The following PPP2R5E variants were observed in gnomAD, a reference collection of about 807,000 sequenced individuals.
The protein encoded by PPP2R5E is protein phosphatase 2 regulatory subunit B'epsilon.
A neutral mutation model predicts 65.3 loss-of-function variants in PPP2R5E; 4 were observed. The ratio of observed to expected loss-of-function variants is 0.06; its 90% CI spans 0.03 to 0.14. The LOEUF is 0.14. Ranked by LOEUF, PPP2R5E falls within the 10% of genes least tolerant of loss-of-function variation. The pLI is 1.00. For synonymous variants in PPP2R5E, 183 were observed against 187.4 expected, an observed-to-expected ratio of 0.98 and a Z score of 0.19; for missense variants, 274 against 556.1, an observed-to-expected ratio of 0.49 and a Z score of 5.10.
chr14:63,450,165 C>A (rs992843373), intron 3 of PPP2R5E, among the ~76,000 whole-genome samples: 2 of 152,136 alleles, frequency 1.3e-5, no homozygotes, highest in Admixed American at 1.3e-4. Context: ...CGTGAGCCAC[C>A]GCGCCCAGCG....
chr14:63,419,404 A>G (rs370311960), intron 4 of PPP2R5E, among the ~76,000 whole-genome samples: 15 of 152,356 alleles, frequency 9.8e-5, no homozygotes, highest in African/African-American at 3.6e-4. Context: ...AGAAAAATAG[A>G]CAGTTGGATC....
intron 2 of PPP2R5E, among the ~76,000 whole-genome samples, chr14:63,524,768 C>A (rs561877608): frequency 3.3e-5 from 5 of 152,194 alleles, no homozygotes; most frequent in African/African-American, 1.2e-4. Flanking sequence ...CCAGAGCCCA[C>A]GGCCTGCCAC....
intron 2 of PPP2R5E, among the ~76,000 whole-genome samples, chr14:63,473,288 G>A (rs902545570): frequency 2.0e-5 from 3 of 152,172 alleles, no homozygotes; most frequent in Non-Finnish European, 4.4e-5. Flanking sequence ...TAAATTAAAC[G>A]GTAGAGATTC....
Position 63,375,328 on chromosome 14 carries a change from T to C in PPP2R5E, c.*681A>G, listed in dbSNP as rs1222413510. ...ACTGATGCATGAATCCGATATTCCC[T>C]TCCCTACTATGTTTATCACCTCTTC... On this transcript the variant is annotated 3_prime_UTR_variant, in exon 14 of 14. Coordinates refer to ENST00000337537, the MANE Select transcript of PPP2R5E (RefSeq NM_006246.5). 1 of 152,592 alleles carries C rather than the reference T, an allele frequency of 6.6e-6. No homozygotes were observed. The highest frequency in any genetic ancestry group is 1.5e-5 in the Non-Finnish European group (1 of 68,002). 9.5% of individuals were successfully genotyped at this position (152,592 alleles called of 1,614,324 possible).
At chr14:63,478,986 A>G (rs1354906042) in intron 2 of PPP2R5E, among the ~76,000 whole-genome samples, 2 of 151,986 alleles carry the variant, frequency 1.3e-5, no homozygotes, top group Non-Finnish European at 2.9e-5. Context: ...AAAATTAGCC[A>G]GGTATGGTGG....
chr14:63,497,683 G>A (rs1463086265), intron 2 of PPP2R5E, among the ~76,000 whole-genome samples: 1 of 152,100 alleles, frequency 6.6e-6, no homozygotes, highest in Non-Finnish European at 1.5e-5. Context: ...GGGAGGCAGA[G>A]GTTGCAGTGA....
intron 2 of PPP2R5E, among the ~76,000 whole-genome samples, chr14:63,496,227 G>T (rs1891560668): frequency 6.6e-6 from 1 of 151,826 alleles, no homozygotes; most frequent in Non-Finnish European, 1.5e-5. Context: ...ACTTGGCCAG[G>T]CACAGTGGCT....
Position 63,502,492 on chromosome 14 carries a change from C to A in PPP2R5E, c.157+37037G>T, listed in dbSNP as rs977400831. 3.9e-5 allele frequency among the ~76,000 whole-genome samples: 6 copies of A among 151,950 alleles called. No homozygotes were observed. In the South Asian group the frequency reaches 1.0e-3, roughly 26 times the overall value. On this transcript the variant is annotated intron_variant, in intron 2 of 13. Coordinates refer to ENST00000337537, the MANE Select transcript of PPP2R5E (RefSeq NM_006246.5). ...GGAGTTCGACACCAGCCTGGTGAAA[C>A]CCCATCTCTATTAAAAATACAAAAA...
intron 2 of PPP2R5E, among the ~76,000 whole-genome samples, chr14:63,484,377 A>T (rs565599993): frequency 6.6e-6 from 1 of 151,926 alleles, no homozygotes; most frequent in African/African-American, 2.4e-5. Flanking sequence ...ACACACACAC[A>T]CACACACACA....
chr14:63,516,526 C>T (rs907453583), intron 2 of PPP2R5E, among the ~76,000 whole-genome samples: 3 of 152,218 alleles, frequency 2.0e-5, no homozygotes, highest in Non-Finnish European at 4.4e-5. Context: ...CTCCTAGCAA[C>T]TTCTTTGGAT....
intron 2 of PPP2R5E, among the ~76,000 whole-genome samples, chr14:63,523,120 TC>T (rs1186284975): frequency 6.9e-6 from 1 of 144,958 alleles, no homozygotes; most frequent in African/African-American, 2.7e-5. Flanking sequence ...AGCAGCCCCT[TC>T]CGGGAAGTGG....
intron 2 of PPP2R5E, among the ~76,000 whole-genome samples, chr14:63,481,414 T>C (rs1459379278): frequency 6.7e-6 from 1 of 149,640 alleles, no homozygotes; most frequent in Non-Finnish European, 1.5e-5. Context: ...GGGAATTGCT[T>C]GAATCCAGGG....
chr14:63,443,803 A>C (rs1180107957), intron 3 of PPP2R5E, among the ~76,000 whole-genome samples: 1 of 152,114 alleles, frequency 6.6e-6, no homozygotes, highest in African/African-American at 2.4e-5. Flanking sequence ...AAGCTATCCG[A>C]GACTCCTTCC....
In PPP2R5E at chr14:63,488,524, T is replaced by C. The variant is rs113558937; in HGVS notation, c.158-34639A>G. 1.2e-4 allele frequency among the ~76,000 whole-genome samples: 18 copies of C among 151,996 alleles called. No homozygotes were observed. The East Asian group carries it at 3.5e-3, about 29-fold the overall frequency. ...AGCCGTGTGAATGATTTTAAGAGAA[T>C]CCCCTAGACTCTATAATTCCTTCTA... is the stretch of plus-strand genomic sequence containing the variant. On this transcript the variant is annotated intron_variant, in intron 2 of 13. Transcript: ENST00000337537.
At chr14:63,405,219 C>T (rs1885994379) in intron 5 of PPP2R5E, among the ~76,000 whole-genome samples, 1 of 152,198 alleles carries the variant, frequency 6.6e-6, no homozygotes, top group Non-Finnish European at 1.5e-5. Flanking sequence ...GAAATAAATG[C>T]TCCCAACACT....
chr14:63,380,363 G>GA (rs1161785435), intron 13 of PPP2R5E, among the ~76,000 whole-genome samples: 1 of 151,800 alleles, frequency 6.6e-6, no homozygotes, highest in African/African-American at 2.4e-5. Context: ...CTAATATACT[G>GA]AATTAAAAGT....
At chr14:63,514,464 GTTT>G (rs1260446184) in intron 2 of PPP2R5E, among the ~76,000 whole-genome samples, 2 of 68,810 alleles carry the variant, frequency 2.9e-5, no homozygotes, top group Non-Finnish European at 5.1e-5. Flanking sequence ...TTAAAACTAT[GTTT>G]ATTATACTAC....
chr14:63,519,414 G>C (rs111475190), intron 2 of PPP2R5E, among the ~76,000 whole-genome samples: 2 of 149,346 alleles, frequency 1.3e-5, no homozygotes, highest in East Asian at 4.1e-4. Flanking sequence ...GCAGTGGTAC[G>C]ATCTCTGCTC....
At chr14:63,524,394 C>G (rs914882564) in intron 2 of PPP2R5E, among the ~76,000 whole-genome samples, 69 of 152,318 alleles carry the variant, frequency 4.5e-4, no homozygotes, top group South Asian at 2.1e-4. Context: ...ACTATTCAGA[C>G]AGTTTACCCA....
Sources: allele counts gnomAD v4.1 joint callset (sites outside exome capture counted in the v4.1 genomes callset), GRCh38; gene constraint gnomAD v4.1.1; transcripts MANE v1.5; gene names NCBI Gene and HGNC (gene_info 2026-07-23, HGNC 2026-07-21).